The following ANKS1B variants were observed in gnomAD, a reference collection of about 807,000 sequenced individuals.
The protein encoded by ANKS1B is ankyrin repeat and sterile alpha motif domain-containing protein 1B.
In ANKS1B, 36 loss-of-function variants were observed where a neutral mutation model predicts 148.3. That is an observed-to-expected ratio of 0.24 (90% CI 0.19 to 0.32). The LOEUF is 0.32. ANKS1B is among the 10% of genes least tolerant of loss of function. The probability of loss-of-function intolerance (pLI) is 1.00; values close to 1 mark genes in which losing one functional copy is unlikely to be tolerated. For synonymous variants in ANKS1B, 542 were observed against 560.8 expected, an observed-to-expected ratio of 0.97 and a Z score of 0.47; for missense variants, 1,157 against 1,542.6, an observed-to-expected ratio of 0.75 and a Z score of 4.19.
downstream of ANKS1B, among the ~76,000 whole-genome samples, chr12:98,742,052 T>C (rs2153353375): frequency 6.6e-6 from 1 of 151,850 alleles, no homozygotes; most frequent in South Asian, 2.1e-4. Context: ...ACTCCATCTC[T>C]TGCTCTTACT....
At chr12:98,788,037 C>T (rs1011296215) in intron 22 of ANKS1B, among the ~76,000 whole-genome samples, 2 of 151,898 alleles carry the variant, frequency 1.3e-5, no homozygotes, top group East Asian at 1.9e-4. Context: ...AGCAAAGAGG[C>T]CTTGCAAAGC....
chr12:99,385,352 C>T (rs191904306), intron 12 of ANKS1B, among the ~76,000 whole-genome samples: 4 of 152,238 alleles, frequency 2.6e-5, no homozygotes, highest in African/African-American at 7.2e-5. Flanking sequence ...GCCTGTAGTC[C>T]CAGCTACTCA....
intron 8 of ANKS1B, among the ~76,000 whole-genome samples, chr12:99,694,601 T>G (rs1049154447): frequency 6.6e-6 from 1 of 152,234 alleles, no homozygotes; most frequent in South Asian, 2.1e-4. Context: ...ATAAATGTAA[T>G]ATCTTAAAAT....
intron 16 of ANKS1B, among the ~76,000 whole-genome samples, chr12:99,061,816 G>A (rs572951054): frequency 6.6e-6 from 1 of 152,234 alleles, no homozygotes; most frequent in East Asian, 1.9e-4. Context: ...GGGGCCGTAA[G>A]TTTTCACATC....
chr12:99,969,998 G>A (rs11110161), intron 1 of ANKS1B, among the ~76,000 whole-genome samples: 9,310 of 152,246 alleles, frequency 0.061, 314 homozygotes, highest in Middle Eastern at 0.14. Context: ...AGTGGCCTGT[G>A]TGATGTTTAC....
chr12:98,918,938 A>C (rs1596905695), intron 17 of ANKS1B, among the ~76,000 whole-genome samples: 2 of 152,198 alleles, frequency 1.3e-5, no homozygotes, highest in Admixed American at 1.3e-4. Context: ...AAATCAATAA[A>C]ATTTATATAA....
At chr12:99,057,191 C>G (rs773550096) in intron 16 of ANKS1B, among the ~76,000 whole-genome samples, 1 of 152,192 alleles carries the variant, frequency 6.6e-6, no homozygotes, top group African/African-American at 2.4e-5. Context: ...GCAAGTTACT[C>G]TTTCAGCCTG....
chr12:99,205,916 C>T (rs2082616571), intron 14 of ANKS1B, among the ~76,000 whole-genome samples: 1 of 152,118 alleles, frequency 6.6e-6, no homozygotes, highest in African/African-American at 2.4e-5. Flanking sequence ...AGGCATGCCT[C>T]AGGTGTCTGA....
intron 16 of ANKS1B, among the ~76,000 whole-genome samples, chr12:99,082,459 T>A (rs2050134545): frequency 6.6e-6 from 1 of 152,150 alleles, no homozygotes; most frequent in Admixed American, 6.6e-5. Context: ...GACTTTATTC[T>A]AAGTGGGAAG....
chr12:99,494,147 G>A (rs1248982489), intron 10 of ANKS1B, among the ~76,000 whole-genome samples: 2 of 152,136 alleles, frequency 1.3e-5, no homozygotes, highest in African/African-American at 4.8e-5. Flanking sequence ...CTTCTGAGAG[G>A]TTAAGAAAAA....
rs79902191 is a variant in ANKS1B at position 99,328,318 on chromosome 12, C to T, written c.1756+71313G>A. Among the ~76,000 whole-genome samples the T allele has an allele frequency of 2.2e-4, 33 of 151,902 alleles. No homozygotes were observed. The East Asian group carries it at 5.6e-3, about 26-fold the overall frequency. ...ACAGAGTTGTCCAGATAGTATCTAACGGGGTGAGCAAAACGTCGAAGATCC... is the reference window on the plus strand; with the variant it reads ...ACAGAGTTGTCCAGATAGTATCTAATGGGGTGAGCAAAACGTCGAAGATCC... On this transcript the variant is annotated intron_variant, in intron 12 of 26. Coordinates refer to ENST00000683438, the MANE Select transcript of ANKS1B (RefSeq NM_001352186.2).
At chr12:99,874,316 T>C (rs1245604257) in intron 1 of ANKS1B, among the ~76,000 whole-genome samples, 2 of 152,116 alleles carry the variant, frequency 1.3e-5, no homozygotes, top group Admixed American at 6.6e-5. Context: ...ACTGCTTATA[T>C]TGAGTTTACC....
intron 17 of ANKS1B, among the ~76,000 whole-genome samples, chr12:99,024,796 C>A (rs965949568): frequency 2.0e-5 from 3 of 152,136 alleles, no homozygotes; most frequent in African/African-American, 7.2e-5. Context: ...TGTGTATCTT[C>A]TGTGTGGCCT....
At chr12:99,804,267 T>C (rs555004365) in intron 4 of ANKS1B, among the ~76,000 whole-genome samples, 30 of 152,222 alleles carry the variant, frequency 2.0e-4, no homozygotes, top group Non-Finnish European at 4.0e-4. Context: ...TAGTTTATCA[T>C]TAAACAACTT....
chr12:99,309,256 T>A (rs6538909), intron 12 of ANKS1B, among the ~76,000 whole-genome samples: 22,608 of 152,016 alleles, frequency 0.15, 1,773 homozygotes, highest in Non-Finnish European at 0.19. Flanking sequence ...TTTGTCAATT[T>A]AAAAATTTAT....
intron 1 of ANKS1B, among the ~76,000 whole-genome samples, chr12:99,932,403 T>C (rs2094643322): frequency 1.3e-5 from 2 of 152,140 alleles, no homozygotes; most frequent in Non-Finnish European, 1.5e-5. Flanking sequence ...AGCATACAAA[T>C]GTTCCCTTTT....
At chr12:98,957,604 C>T (rs185553049) in intron 17 of ANKS1B, among the ~76,000 whole-genome samples, 27 of 152,156 alleles carry the variant, frequency 1.8e-4, no homozygotes, top group Admixed American at 1.8e-3. Flanking sequence ...CCTGAGCCTC[C>T]CAAAGTGCTG....
chr12:98,988,430 G>T (rs2099924696), intron 17 of ANKS1B, among the ~76,000 whole-genome samples: 1 of 152,030 alleles, frequency 6.6e-6, no homozygotes, highest in East Asian at 1.9e-4. Flanking sequence ...GCAAATGACA[G>T]GATTTCCCTT....
intron 12 of ANKS1B, among the ~76,000 whole-genome samples, chr12:99,391,874 G>A (rs537033366): frequency 6.6e-6 from 1 of 152,284 alleles, no homozygotes; most frequent in Admixed American, 6.5e-5. Flanking sequence ...CACATTTCAT[G>A]ATTTATCAAG....
Sources: allele counts gnomAD v4.1 joint callset (sites outside exome capture counted in the v4.1 genomes callset), GRCh38; gene constraint gnomAD v4.1.1; transcripts MANE v1.5; gene names NCBI Gene and HGNC (gene_info 2026-07-23, HGNC 2026-07-21).